FGF14: variants seen among roughly 807,000 people sequenced by gnomAD.
FGF14 encodes fibroblast growth factor homologous factor 4.
In FGF14, 5 loss-of-function variants were observed where a neutral mutation model predicts 25.5. The observed-to-expected ratio is 0.20, with a 90% CI of 0.10 to 0.41. FGF14 has a LOEUF of 0.41. FGF14 is among the 10% of genes least tolerant of loss of function. The probability of loss-of-function intolerance (pLI) is 1.00; values close to 1 mark genes in which losing one functional copy is unlikely to be tolerated. For synonymous variants in FGF14, 138 were observed against 118.3 expected, an observed-to-expected ratio of 1.17 and a Z score of -1.08; for missense variants, 222 against 320.1, an observed-to-expected ratio of 0.69 and a Z score of 2.34.
chr13:102,257,909 A>C (rs2052529040), intron 1 of FGF14, among the ~76,000 whole-genome samples: 1 of 152,070 alleles, frequency 6.6e-6, no homozygotes, highest in African/African-American at 2.4e-5. Context: ...AGCCACTTCT[A>C]CCTATAGCTG....
intron 1 of FGF14, among the ~76,000 whole-genome samples, chr13:101,890,342 GA>G (rs1359027050): frequency 2.7e-5 from 4 of 147,302 alleles, no homozygotes; most frequent in South Asian, 2.2e-4. Flanking sequence ...TGTCTTACCT[GA>G]AAAAAAAAAC....
At chr13:101,761,324 G>C (rs4772411) in intron 3 of FGF14, among the ~76,000 whole-genome samples, 59,277 of 151,650 alleles carry the variant, frequency 0.39, 11,917 homozygotes, top group East Asian at 0.66. Context: ...GACACACATA[G>C]ATAGAGATTT....
chr13:101,759,533 C>T (rs1022418430), intron 3 of FGF14, among the ~76,000 whole-genome samples: 9 of 152,104 alleles, frequency 5.9e-5, no homozygotes, highest in African/African-American at 1.4e-4. Flanking sequence ...ATTACCCTTC[C>T]GACCCATTGT....
chr13:102,065,765 T>C (rs2042877445), intron 1 of FGF14, among the ~76,000 whole-genome samples: 1 of 152,004 alleles, frequency 6.6e-6, no homozygotes, highest in Non-Finnish European at 1.5e-5. Flanking sequence ...TATGTTAATG[T>C]ATATTATATA....
At chr13:102,211,146 C>T (rs1195924982) in intron 1 of FGF14, among the ~76,000 whole-genome samples, 2 of 151,920 alleles carry the variant, frequency 1.3e-5, no homozygotes, top group African/African-American at 4.8e-5. Flanking sequence ...AAGGGAACAA[C>T]ATAAAAATCA....
At chr13:101,848,654 T>C (rs1042235490) in intron 3 of FGF14, among the ~76,000 whole-genome samples, 2 of 152,012 alleles carry the variant, frequency 1.3e-5, no homozygotes, top group Non-Finnish European at 2.9e-5. Flanking sequence ...GCTGGAATAA[T>C]AGTCAAACTA....
chr13:102,227,635 C>T lies in FGF14; in HGVS notation c.208+173836G>A, dbSNP rs115472318. Among the ~76,000 whole-genome samples the T allele has an allele frequency of 5.3e-3, 812 of 152,256 alleles. 8 individuals are homozygous for T. Among genetic ancestry groups the T allele is most frequent in the African/African-American group, 0.018 (762 of 41,552 alleles). On this transcript the variant is annotated intron_variant, in intron 1 of 4. Coordinates refer to the FGF14 transcript ENST00000376131. Reference sequence around the variant, plus strand: ...AACGTCAGTCATACATCTTCTAATGCAAAGTTTTACTAATACTTATCTATT... The same window carrying T: ...AACGTCAGTCATACATCTTCTAATGTAAAGTTTTACTAATACTTATCTATT...
intron 3 of FGF14, among the ~76,000 whole-genome samples, chr13:101,824,073 T>C (rs943066799): frequency 6.6e-6 from 1 of 152,118 alleles, no homozygotes; most frequent in African/African-American, 2.4e-5. Flanking sequence ...AAGAATTCAC[T>C]CAGATATTAT....
chr13:102,157,238 T>C (rs1594192166), intron 1 of FGF14, among the ~76,000 whole-genome samples: 1 of 152,218 alleles, frequency 6.6e-6, no homozygotes, highest in African/African-American at 2.4e-5. Flanking sequence ...GGAGGCATCA[T>C]GCTACCTGAC....
chr13:102,387,340 A>G (rs980449265), intron 1 of FGF14, among the ~76,000 whole-genome samples: 1 of 152,198 alleles, frequency 6.6e-6, no homozygotes, highest in Non-Finnish European at 1.5e-5. Flanking sequence ...ATTATTTCTA[A>G]AAGTTGTGCT....
intron 1 of FGF14, among the ~76,000 whole-genome samples, chr13:101,910,698 A>C (rs998348099): frequency 6.6e-6 from 1 of 152,098 alleles, no homozygotes; most frequent in Non-Finnish European, 1.5e-5. Context: ...TGACATTTTC[A>C]TGTGATCTGA....
intron 1 of FGF14, among the ~76,000 whole-genome samples, chr13:102,144,830 C>T (rs1418745190): frequency 6.6e-6 from 1 of 152,082 alleles, no homozygotes; most frequent in Non-Finnish European, 1.5e-5. Flanking sequence ...TAATTTTCAT[C>T]TAAAAGAACA....
At chr13:102,161,650 A>T (rs1390447713) in intron 1 of FGF14, among the ~76,000 whole-genome samples, 1,253 of 42,830 alleles carry the variant, frequency 0.029, 131 homozygotes, top group East Asian at 0.2. Flanking sequence ...GAAGAAGAAG[A>T]AGAAGAAGAA....
intron 3 of FGF14, among the ~76,000 whole-genome samples, chr13:101,810,137 A>G (rs949580778): frequency 4.6e-5 from 7 of 152,206 alleles, no homozygotes; most frequent in Non-Finnish European, 1.0e-4. Flanking sequence ...TTCTAGGTCC[A>G]AAAGTTGACA....
intron 1 of FGF14, among the ~76,000 whole-genome samples, chr13:102,322,739 T>G (rs1268179701): frequency 6.6e-6 from 1 of 152,196 alleles, no homozygotes; most frequent in Non-Finnish European, 1.5e-5. Context: ...ATTTGTAGCT[T>G]CATACTAAAA....
chr13:101,892,501 T>C (rs1483269465), intron 1 of FGF14, among the ~76,000 whole-genome samples: 1 of 152,114 alleles, frequency 6.6e-6, no homozygotes, highest in African/African-American at 2.4e-5. Flanking sequence ...ATTGAACATG[T>C]GAAGTAAAAG....
At chr13:102,223,140 C>T (rs1252975789) in intron 1 of FGF14, among the ~76,000 whole-genome samples, 3 of 152,126 alleles carry the variant, frequency 2.0e-5, no homozygotes, top group Non-Finnish European at 4.4e-5. Context: ...CAGAAAAATG[C>T]TAAAGTCACA....
chr13:102,355,920 G>A (rs2057406913), intron 1 of FGF14, among the ~76,000 whole-genome samples: 1 of 151,926 alleles, frequency 6.6e-6, no homozygotes. Flanking sequence ...TTCCATCTCA[G>A]GTAACAACCT....
At chr13:102,345,757 G>C (rs1424269809) in intron 1 of FGF14, among the ~76,000 whole-genome samples, 5 of 152,182 alleles carry the variant, frequency 3.3e-5, no homozygotes, top group Non-Finnish European at 7.3e-5. Context: ...TTCTTGGAGA[G>C]GTAAAATGTA....
Sources: gnomAD v4.1 joint callset for allele counts (sites outside exome capture counted in the v4.1 genomes callset) on GRCh38, gnomAD v4.1.1 for gene constraint, MANE v1.5 for transcripts, NCBI Gene and HGNC (gene_info 2026-07-23, HGNC 2026-07-21) for gene names.